Variants in TMCO4 observed in about 807,000 individuals in gnomAD.
The protein encoded by TMCO4 is transmembrane and coiled-coil domains 4.
Under a neutral mutation model 64.7 loss-of-function variants are expected in TMCO4, and 58 were observed. The observed-to-expected ratio is 0.90, with a 90% confidence interval of 0.73 to 1.12. The LOEUF is 1.12. TMCO4 is among the 50% of genes most tolerant of loss of function. TMCO4 has a pLI of 0.00. For synonymous variants in TMCO4, 325 were observed against 346.1 expected, an observed-to-expected ratio of 0.94 and a Z score of 0.68; for missense variants, 780 against 825.9, an observed-to-expected ratio of 0.94 and a Z score of 0.68.
intron 13 of TMCO4, among the ~76,000 whole-genome samples, chr1:19,708,673 A>T (rs1374992534): frequency 6.6e-6 from 1 of 152,092 alleles, no homozygotes; most frequent in Non-Finnish European, 1.5e-5. Flanking sequence ...GAGCTTCCTT[A>T]AAGTGAGGCA....
intron 15 of TMCO4, among the ~76,000 whole-genome samples, chr1:19,686,016 T>G (rs1283828930): frequency 1.3e-5 from 2 of 152,112 alleles, no homozygotes; most frequent in Non-Finnish European, 2.9e-5. Flanking sequence ...CGTGAGCCAC[T>G]GCGCCCGGCC....
chr1:19,683,200 G>A lies in TMCO4; in HGVS notation c.1745C>T (p.Ala582Val), dbSNP rs752012690. Reference protein sequence around the residue: ...KLAMSTDPSQAQVPVGLDQSE... With the variant: ...KLAMSTDPSQVQVPVGLDQSE... ...CTGGTCCAGCCCTACTGGCACCTGG[G>A]CTTGGCTGGGGTCTGTGGACATGGC... The change falls in exon 16 of 16, where the codon GCC (alanine) becomes GTC (valine). Residue 582 changes from alanine to valine, a missense_variant. Physicochemically the swap from Ala to Val is moderately conservative, Grantham distance 64 (BLOSUM62 0). Coordinates refer to ENST00000294543, the MANE Select transcript of TMCO4 (RefSeq NM_181719.7). The A allele has an allele frequency of 3.1e-6, 5 of 1,614,252 alleles. No individual in the cohort carries two copies. Among genetic ancestry groups the A allele is most frequent in the East Asian group, 4.5e-5 (2 of 44,880 alleles).
chr1:19,778,966 CT>C (rs2043337154), intron 4 of TMCO4, among the ~76,000 whole-genome samples: 1 of 152,184 alleles, frequency 6.6e-6, no homozygotes, highest in Non-Finnish European at 1.5e-5. Flanking sequence ...GAACAATGCC[CT>C]GGTCTGGAGG....
chr1:19,701,878 T>C (rs923469268), intron 13 of TMCO4, among the ~76,000 whole-genome samples: 10 of 152,154 alleles, frequency 6.6e-5, no homozygotes, highest in Non-Finnish European at 1.3e-4. Context: ...CTAGTGTTGG[T>C]AATCTCAGCA....
At chr1:19,703,740 G>T (rs1376898044) in intron 13 of TMCO4, among the ~76,000 whole-genome samples, 2 of 151,814 alleles carry the variant, frequency 1.3e-5, no homozygotes, top group Non-Finnish European at 2.9e-5. Context: ...TAGAGATGGG[G>T]TTTCACCACG....
intron 8 of TMCO4, among the ~76,000 whole-genome samples, chr1:19,746,817 G>A (rs184794309): frequency 5.3e-5 from 8 of 151,638 alleles, no homozygotes; most frequent in African/African-American, 1.7e-4. Flanking sequence ...CCAGCTACTC[G>A]GGAGGCTGAG....
At chr1:19,741,035 C>T in intron 10 of TMCO4, 94 bp from the exon 11 acceptor site, 2 of 1,347,366 alleles carry the variant, frequency 1.5e-6, no homozygotes, top group Non-Finnish European at 2.0e-6. Context: ...GACCACTCAC[C>T]CTTGTGTGGA....
chr1:19,789,076 C>CA (rs34632067), intron 2 of TMCO4, among the ~76,000 whole-genome samples: 2,596 of 107,796 alleles, frequency 0.024, 50 homozygotes, highest in African/African-American at 0.061. Context: ...CTCTGTCTCA[C>CA]AAAAAAAAAA....
intron 6 of TMCO4, among the ~76,000 whole-genome samples, chr1:19,760,707 T>A (rs1326063320): frequency 2.6e-5 from 4 of 152,282 alleles, no homozygotes; most frequent in Non-Finnish European, 5.9e-5. Flanking sequence ...ATATATATAT[T>A]TTATTTGCCT....
At chr1:19,698,327 C>T (rs189570472) in intron 14 of TMCO4, among the ~76,000 whole-genome samples, 3 of 152,326 alleles carry the variant, frequency 2.0e-5, no homozygotes, top group Admixed American at 6.5e-5. Flanking sequence ...GGCCCTCTCA[C>T]GGTGGGGTGA....
At chr1:19,775,900 T>C (rs2043182036) in intron 4 of TMCO4, among the ~76,000 whole-genome samples, 1 of 152,110 alleles carries the variant, frequency 6.6e-6, no homozygotes, top group South Asian at 2.1e-4. Context: ...AATATTGAGG[T>C]ATTTATTTAT....
At chr1:19,704,870 C>A (rs1047176147) in intron 13 of TMCO4, among the ~76,000 whole-genome samples, 1 of 152,156 alleles carries the variant, frequency 6.6e-6, no homozygotes, top group South Asian at 2.1e-4. Context: ...CACAGCCAAA[C>A]CAAGCTGGCA....
intron 5 of TMCO4, 58 bp from the exon 6 acceptor site, chr1:19,770,627 A>C (rs2042938948): frequency 6.4e-7 from 1 of 1,557,240 alleles, no homozygotes; most frequent in Non-Finnish European, 8.7e-7. Context: ...CAGCGCGCTC[A>C]TTTGACAAAT....
chr1:19,793,279 C>T (rs1416572598), intron 2 of TMCO4, among the ~76,000 whole-genome samples: 2 of 152,006 alleles, frequency 1.3e-5, no homozygotes, highest in Non-Finnish European at 2.9e-5. Flanking sequence ...ATGGCTACAG[C>T]GTCATGGGAA....
chr1:19,768,580 C>CT (rs113742402), intron 6 of TMCO4, among the ~76,000 whole-genome samples: 17,820 of 152,218 alleles, frequency 0.12, 1,143 homozygotes, highest in Non-Finnish European at 0.13. Context: ...CTGCCACTCC[C>CT]TTGGGGGCCG....
At chr1:19,735,720 G>A (rs539043984) in intron 13 of TMCO4, among the ~76,000 whole-genome samples, 14 of 152,260 alleles carry the variant, frequency 9.2e-5, no homozygotes, top group African/African-American at 2.9e-4. Context: ...CTGTACTAAC[G>A]ATCTTAAGTT....
intron 4 of TMCO4, among the ~76,000 whole-genome samples, chr1:19,771,926 G>A (rs1438431426): frequency 6.6e-6 from 1 of 152,128 alleles, no homozygotes; most frequent in South Asian, 2.1e-4. Flanking sequence ...CCAAAGTGCT[G>A]GGATTACAAG....
chr1:19,693,254 A>AAG (rs2095212689), intron 15 of TMCO4, among the ~76,000 whole-genome samples: 1 of 147,066 alleles, frequency 6.8e-6, no homozygotes, highest in Non-Finnish European at 1.5e-5. Context: ...AGGCTGAGGC[A>AAG]GGCAGATCAC....
At chr1:19,711,932 C>T (rs1300473508) in intron 13 of TMCO4, among the ~76,000 whole-genome samples, 1 of 152,198 alleles carries the variant, frequency 6.6e-6, no homozygotes, top group African/African-American at 2.4e-5. Flanking sequence ...CCTGGGATTA[C>T]AGGCATGAGC....
Sources: allele counts gnomAD v4.1 joint callset (sites outside exome capture counted in the v4.1 genomes callset), GRCh38; gene constraint gnomAD v4.1.1; transcripts MANE v1.5; gene names NCBI Gene and HGNC (gene_info 2026-07-23, HGNC 2026-07-21).